IL10RB: variants seen among roughly 807,000 people sequenced by gnomAD.
IL10RB encodes the protein interleukin 10 receptor subunit beta, also known as interleukin-10 receptor subunit beta.
IL10RB carries 30 observed loss-of-function variants against 38.7 expected under a neutral mutation model. The observed-to-expected ratio is 0.78, with a 90% CI of 0.58 to 1.05. IL10RB has a LOEUF of 1.05. IL10RB is among the 50% of genes least tolerant of loss of function. IL10RB has a pLI of 0.00. For synonymous variants in IL10RB, 142 were observed against 145.9 expected (o/e 0.97, Z 0.19); for missense variants, 328 against 397.1 (o/e 0.83, Z 1.48).
chr21:33,267,730 G>T (rs1205003737), intron 1 of IL10RB, among the ~76,000 whole-genome samples: 4 of 151,994 alleles, frequency 2.6e-5, no homozygotes, highest in Non-Finnish European at 5.9e-5. Context: ...TGGCCAGGCT[G>T]GTCTCGAACT....
downstream of IL10RB, among the ~76,000 whole-genome samples, chr21:33,300,167 C>T (rs1012455725): frequency 1.3e-5 from 2 of 152,112 alleles, no homozygotes; most frequent in African/African-American, 2.4e-5. Context: ...TGGCTAGGTG[C>T]GGTGGCTCAC....
At position 33,279,778 on chromosome 21, in the gene IL10RB, G is replaced by T. The variant is rs770606336; in HGVS notation, c.358G>T (p.Val120Leu). The change falls in exon 4 of 7, where the codon GTA (valine) becomes TTA (leucine). Residue 120 changes from valine to leucine, a missense_variant. Val to Leu is a conservative substitution (Grantham distance 32). Coordinates refer to ENST00000290200, the MANE Select transcript of IL10RB (RefSeq NM_000628.5). ...DTIIGPPGMQ[V>L]EVLADSLHMR... ...CATTATTGGACCCCCTGGAATGCAA[G>T]TAGAAGTACTTGCTGATTCTTTACA... 1 of 1,613,884 alleles carries T rather than the reference G, an allele frequency of 6.2e-7. No individual in the cohort carries two copies. The highest frequency in any genetic ancestry group is 8.5e-7 in the Non-Finnish European group (1 of 1,179,870).
chr21:33,275,547 G>A (rs1989155441), intron 2 of IL10RB, among the ~76,000 whole-genome samples: 3 of 152,202 alleles, frequency 2.0e-5, no homozygotes. Flanking sequence ...TGGCTTAAGG[G>A]AATGGTGTGG....
intron 6 of IL10RB, among the ~76,000 whole-genome samples, chr21:33,295,671 CAAAAAAAA>C (rs549680649): frequency 9.1e-6 from 1 of 109,584 alleles, no homozygotes; most frequent in South Asian, 3.1e-4. Flanking sequence ...GACTCCATCT[CAAAAAAAA>C]AAAAAAAAAA....
intron 2 of IL10RB, among the ~76,000 whole-genome samples, chr21:33,274,341 G>A (rs1989133280): frequency 6.6e-6 from 1 of 151,708 alleles, no homozygotes; most frequent in Admixed American, 6.6e-5. Context: ...GCTAATTTTT[G>A]TATTTTTTTT....
intron 3 of IL10RB, 116 bp downstream of exon 3, chr21:33,276,869 A>C (rs1315573582): frequency 2.5e-6 from 2 of 803,354 alleles, no homozygotes; most frequent in African/African-American, 3.4e-5. Context: ...ATGGCCTTGC[A>C]CAAGGAGCTT....
intron 6 of IL10RB, 136 bp downstream of exon 6, chr21:33,288,397 A>G (rs1157053303): frequency 7.2e-6 from 5 of 699,264 alleles, no homozygotes; most frequent in Middle Eastern, 5.2e-4. Context: ...ACACACACAC[A>G]CACACACAGA....
intron 6 of IL10RB, among the ~76,000 whole-genome samples, chr21:33,295,529 A>G (rs577964956): frequency 2.7e-5 from 4 of 149,160 alleles, no homozygotes; most frequent in Non-Finnish European, 6.0e-5. Context: ...AAAATTAGCC[A>G]GGCATGGTGG....
downstream of IL10RB, among the ~76,000 whole-genome samples, chr21:33,299,640 G>A (rs1207015106): frequency 6.6e-6 from 1 of 152,206 alleles, no homozygotes; most frequent in Non-Finnish European, 1.5e-5. Flanking sequence ...ATGGGTCTCA[G>A]CCGTAGCTGC....
At chr21:33,267,502 GTTTT>G (rs1555864810) in intron 1 of IL10RB, among the ~76,000 whole-genome samples, 4 of 102,706 alleles carry the variant, frequency 3.9e-5, no homozygotes, top group African/African-American at 1.1e-4. Flanking sequence ...TTGTTTGTTT[GTTTT>G]TTTGTTTTTT....
At position 33,268,714 on chromosome 21, in the gene IL10RB, TG is replaced by T. The variant is rs151113010; in HGVS notation, c.173+198del. Among the ~76,000 whole-genome samples the T allele has an allele frequency of 2.3e-3, 350 of 152,330 alleles. 1 individual carries two copies. The highest frequency in any genetic ancestry group is 4.0e-3 in the Non-Finnish European group (273 of 68,026). On this transcript the variant is annotated intron_variant, in intron 2 of 6. Transcript: ENST00000290200. Reference sequence around the variant, plus strand: ...CCTTTTCTCTTTTAGGTTTTCTAGTTGTGATGGTTGACGATTTGACTGTTAA... The same window carrying T: ...CCTTTTCTCTTTTAGGTTTTCTAGTTTGATGGTTGACGATTTGACTGTTAA...
intron 1 of IL10RB, among the ~76,000 whole-genome samples, chr21:33,267,510 G>GTTTTTTTTTT (rs1292416988): frequency 4.1e-5 from 3 of 73,996 alleles, no homozygotes; most frequent in Non-Finnish European, 6.1e-5. Context: ...TTGTTTTTTT[G>GTTTTTTTTTT]TTTTTTTGTT....
intron 1 of IL10RB, among the ~76,000 whole-genome samples, chr21:33,305,695 C>G (rs940711358): frequency 1.3e-5 from 2 of 152,204 alleles, no homozygotes; most frequent in Non-Finnish European, 2.9e-5. Context: ...GTCAGCCACA[C>G]AGCCCACTAA....
intron 5 of IL10RB, 70 bp from the exon 6 acceptor site, chr21:33,288,034 T>G: frequency 1.4e-6 from 2 of 1,444,402 alleles, no homozygotes; most frequent in Non-Finnish European, 1.9e-6. Flanking sequence ...ATTGTGATGG[T>G]TAAAATGCTC....
At chr21:33,299,823 A>G (rs2082981278), downstream of IL10RB, among the ~76,000 whole-genome samples, 1 of 152,228 alleles carries the variant, frequency 6.6e-6, no homozygotes, top group Non-Finnish European at 1.5e-5. Flanking sequence ...CAGTTATGAT[A>G]GATTGAAAGG....
intron 4 of IL10RB, among the ~76,000 whole-genome samples, chr21:33,282,486 G>C (rs1229014757): frequency 6.6e-6 from 1 of 152,208 alleles, no homozygotes; most frequent in Non-Finnish European, 1.5e-5. Context: ...AGTGAGCCAT[G>C]ATCGTGCCAC....
chr21:33,304,183 G>A (rs2123614460), intron 1 of IL10RB, among the ~76,000 whole-genome samples: 1 of 152,352 alleles, frequency 6.6e-6, no homozygotes, highest in Middle Eastern at 3.4e-3. Flanking sequence ...GGACAGCACA[G>A]CACAGCGCTG....
At chr21:33,289,892 C>T (rs1442898960) in intron 6 of IL10RB, among the ~76,000 whole-genome samples, 1 of 152,174 alleles carries the variant, frequency 6.6e-6, no homozygotes, top group Non-Finnish European at 1.5e-5. Flanking sequence ...GTGGGTGGAT[C>T]ACCTAAGGTC....
intron 5 of IL10RB, 23 bp from the exon 6 acceptor site, chr21:33,288,081 A>C (rs751406960): frequency 3.7e-6 from 6 of 1,612,370 alleles, no homozygotes; most frequent in Non-Finnish European, 5.1e-6. Flanking sequence ...ACAAGAATGT[A>C]ACATGCCCAT....
Sources: allele counts gnomAD v4.1 joint callset (sites outside exome capture counted in the v4.1 genomes callset), GRCh38; gene constraint gnomAD v4.1.1; transcripts MANE v1.5; gene names NCBI Gene and HGNC (gene_info 2026-07-23, HGNC 2026-07-21).